Variants in ATP11B observed in about 807,000 individuals in gnomAD.
ATP11B encodes phospholipid-transporting ATPase IF.
ATP11B carries 81 observed loss-of-function variants against 157.8 expected under a neutral mutation model. That is an observed-to-expected ratio of 0.51 (90% CI 0.43 to 0.62). The LOEUF is 0.62. ATP11B is among the 20% of genes least tolerant of loss of function. The pLI is 0.00. For missense variants in ATP11B, 1,165 were observed against 1,402.2 expected (o/e 0.83, Z 2.70); for synonymous variants, 451 against 469.4 (o/e 0.96, Z 0.51).
In ATP11B at chr3:182,897,360, A is replaced by G. The variant is rs144601759; in HGVS notation, c.3106A>G (p.Ile1036Val). ...WINHLVTWGS[I>V]IFYFVFSLFY... The stretch of plus-strand genomic sequence containing the variant: ...CAACCATCTCGTTACCTGGGGATCT[A>G]TTATATTTTATTTTGTATTTTCCTT... Residue 1036 changes from isoleucine to valine, a missense_variant, in exon 27 of 30, where the codon ATT becomes GTT. Coordinates refer to ENST00000323116, the MANE Select transcript of ATP11B (RefSeq NM_014616.3). 1.6e-4 allele frequency: 249 copies of G among 1,592,010 alleles called. No homozygotes were observed. Among genetic ancestry groups the G allele is most frequent in the Non-Finnish European group, 2.0e-4 (236 of 1,173,580 alleles).
intron 10 of ATP11B, among the ~76,000 whole-genome samples, chr3:182,853,264 G>A (rs1187361848): frequency 6.6e-6 from 1 of 152,152 alleles, no homozygotes; most frequent in Non-Finnish European, 1.5e-5. Flanking sequence ...CTGGAGTGCA[G>A]TGGTGCGATC....
intron 10 of ATP11B, among the ~76,000 whole-genome samples, chr3:182,850,557 G>T (rs915471624): frequency 2.6e-5 from 4 of 151,996 alleles, no homozygotes; most frequent in African/African-American, 9.7e-5. Context: ...TTATTAAAAA[G>T]ACAAAAAATA....
intron 29 of ATP11B, chr3:182,916,291 G>A (rs1725136511): frequency 1.0e-6 from 1 of 985,200 alleles, no homozygotes; most frequent in African/African-American, 1.7e-5. Context: ...GTCTGAGACT[G>A]CCATTCCAAG....
chr3:182,836,287 T>C (rs1337303920), intron 5 of ATP11B, 55 bp from the exon 6 acceptor site: 5 of 1,605,964 alleles, frequency 3.1e-6, no homozygotes, highest in Non-Finnish European at 3.4e-6. Context: ...CCAATAAAAG[T>C]AAGTCCTTGC....
rs1308261865 is a variant in ATP11B, at chr3:182,919,527, A to G, written c.*1423A>G. 1.3e-5 allele frequency: 2 copies of G among 152,576 alleles called. No homozygotes were observed. The highest frequency in any genetic ancestry group is 2.4e-5 in the African/African-American group (1 of 41,464). 9.5% of individuals were successfully genotyped at this position (152,576 alleles called of 1,614,324 possible). On this transcript the variant is annotated 3_prime_UTR_variant, in exon 30 of 30. Transcript: ENST00000323116. The stretch of plus-strand genomic sequence containing the variant: ...AGAAGTGATTATTAGCTTGAGAACT[A>G]TTACCCAGCTCTAAGCAAATAATGA...
intron 25 of ATP11B, 32 bp from the exon 26 acceptor site, chr3:182,896,668 A>T (rs747281181): frequency 6.4e-7 from 1 of 1,555,758 alleles, no homozygotes. Context: ...TTATGTTAAC[A>T]CGTAATGTAA....
rs746477529 is a variant in ATP11B, at chr3:182,866,357, T to A, written c.1533T>A (p.Gly511=). The change falls in exon 14 of 30, where the codon GGT becomes GGA. Residue 511 remains glycine, a synonymous_variant. Coordinates refer to ENST00000323116, the MANE Select transcript of ATP11B (RefSeq NM_014616.3). ...SNVQTDCTGD[G]PWQSNLAPSQ... ...TTCAAACTGACTGCACTGGTGATGG[T>A]CCCTGGCAATCCAACCTGGCACCAT... The A allele has an allele frequency of 1.9e-6, 3 of 1,614,008 alleles. No homozygotes were observed. The highest frequency in any genetic ancestry group is 2.2e-5 in the South Asian group (2 of 91,020).
At chr3:182,829,001 T>A (rs189738325) in intron 3 of ATP11B, among the ~76,000 whole-genome samples, 1 of 152,204 alleles carries the variant, frequency 6.6e-6, no homozygotes, top group African/African-American at 2.4e-5. Flanking sequence ...TTAGGAAACA[T>A]TTACTTTTTA....
intron 9 of ATP11B, 98 bp from the exon 10 acceptor site, chr3:182,848,378 G>T: frequency 1.5e-6 from 1 of 659,384 alleles, no homozygotes; most frequent in South Asian, 4.4e-5. Context: ...ACAACTGTCA[G>T]ACAGTACACT....
chr3:182,880,183 C>A (rs949771899), intron 20 of ATP11B, among the ~76,000 whole-genome samples: 1 of 152,148 alleles, frequency 6.6e-6, no homozygotes, highest in Non-Finnish European at 1.5e-5. Flanking sequence ...TTTTATAATT[C>A]TAAATTTGGA....
chr3:182,857,876 A>T lies in ATP11B; in HGVS notation c.852-2A>T. 6.7e-7 allele frequency: 1 copy of T among 1,482,718 alleles called. No individual in the cohort carries two copies. The highest frequency in any genetic ancestry group is 1.4e-5 in the African/African-American group (1 of 72,282). The allele number at this position is 1,482,718 out of a possible 1,614,324, so 91.8% of individuals were successfully genotyped here. On this transcript the variant is annotated splice_acceptor_variant, in intron 10 of 29. Transcript: ENST00000323116. LOFTEE classifies it high-confidence loss of function. The stretch of plus-strand genomic sequence containing the variant: ...TTTTATATTCTCTTTTTCTTCCTTA[A>T]GGTCAATGAATACATTTTTGATAAT...
chr3:182,882,508 A>G (rs527912761), intron 21 of ATP11B, among the ~76,000 whole-genome samples: 1 of 149,018 alleles, frequency 6.7e-6, no homozygotes, highest in East Asian at 1.9e-4. Flanking sequence ...TAGTGATTTG[A>G]AAAAAAAAAG....
At chr3:182,861,677 CT>C (rs1720852083) in intron 12 of ATP11B, among the ~76,000 whole-genome samples, 1 of 152,188 alleles carries the variant, frequency 6.6e-6, no homozygotes, top group Non-Finnish European at 1.5e-5. Context: ...CAAATTGTCT[CT>C]TATTGTATCA....
intron 19 of ATP11B, among the ~76,000 whole-genome samples, chr3:182,878,294 T>C (rs1399868035): frequency 6.6e-6 from 1 of 152,212 alleles, no homozygotes; most frequent in Non-Finnish European, 1.5e-5. Flanking sequence ...TTTTATAGTG[T>C]GCTCATTTAA....
intron 6 of ATP11B, 91 bp from the exon 7 acceptor site, chr3:182,836,980 T>C: frequency 1.2e-6 from 1 of 849,844 alleles, no homozygotes; most frequent in Admixed American, 2.2e-5. Context: ...CAGTATGCCA[T>C]TACTTTACCT....
chr3:182,824,766 G>A (rs910570884), intron 2 of ATP11B, among the ~76,000 whole-genome samples: 1 of 152,102 alleles, frequency 6.6e-6, no homozygotes, highest in African/African-American at 2.4e-5. Context: ...TACCTATTAC[G>A]CCACTATTGC....
chr3:182,851,946 A>T (rs1442589357), intron 10 of ATP11B, among the ~76,000 whole-genome samples: 1 of 152,202 alleles, frequency 6.6e-6, no homozygotes, highest in Admixed American at 6.5e-5. Context: ...ACATCAAAAG[A>T]TATACTATGT....
chr3:182,810,367 T>C (rs768321363), intron 1 of ATP11B, among the ~76,000 whole-genome samples: 6 of 152,156 alleles, frequency 3.9e-5, no homozygotes, highest in Non-Finnish European at 8.8e-5. Flanking sequence ...ATTATGTTAG[T>C]GTGATCCAGT....
intron 20 of ATP11B, among the ~76,000 whole-genome samples, chr3:182,880,143 G>A (rs550767331): frequency 6.6e-6 from 1 of 152,314 alleles, no homozygotes; most frequent in South Asian, 2.1e-4. Flanking sequence ...AGCTACCTAT[G>A]TGATTCAAGT....
Sources: allele counts gnomAD v4.1 joint callset (sites outside exome capture counted in the v4.1 genomes callset), GRCh38; gene constraint gnomAD v4.1.1; transcripts MANE v1.5; gene names NCBI Gene and HGNC (gene_info 2026-07-23, HGNC 2026-07-21).